The following TMEM163 variants were observed in gnomAD, a reference collection of about 807,000 sequenced individuals.
The protein encoded by TMEM163 is transmembrane protein 163.
A neutral mutation model predicts 29.3 loss-of-function variants in TMEM163; 17 were observed. That is an observed-to-expected ratio of 0.58 (90% CI 0.40 to 0.87). TMEM163 has a LOEUF of 0.87. Among genes scored for constraint, TMEM163 ranks in the 40% least tolerant of loss-of-function variants. The pLI, the probability that TMEM163 is intolerant of heterozygous loss-of-function variation, is 0.00. For missense variants in TMEM163, 303 were observed against 381.5 expected (o/e 0.79, Z 1.71); for synonymous variants, 157 against 160.6 (o/e 0.98, Z 0.17).
intron 5 of TMEM163, among the ~76,000 whole-genome samples, chr2:134,502,094 A>G (rs1679707825): frequency 6.6e-6 from 1 of 152,224 alleles, no homozygotes; most frequent in Non-Finnish European, 1.5e-5. Flanking sequence ...ACAAGGATTA[A>G]TATCTTTTTT....
At chr2:134,547,130 C>T (rs916472115) in intron 4 of TMEM163, among the ~76,000 whole-genome samples, 3 of 152,104 alleles carry the variant, frequency 2.0e-5, no homozygotes, top group Non-Finnish European at 2.9e-5. Flanking sequence ...ACATGAGATA[C>T]GCTTAACACT....
rs1252432767 is a variant in TMEM163, at chr2:134,561,657, A to G, written c.323-9566T>C. On this transcript the variant is annotated intron_variant, in intron 2 of 7. Transcript: ENST00000281924. ...TGAATGTCACTCACACTTTCCTAAC[A>G]CTTGCTCTTACACCTCCTTGTGCCA... Among the ~76,000 whole-genome samples the G allele has an allele frequency of 2.0e-5, 3 of 152,124 alleles. No homozygotes were observed. In the East Asian group the frequency reaches 5.8e-4, roughly 29 times the overall value.
At chr2:134,717,418 C>A (rs948293603) in intron 1 of TMEM163, among the ~76,000 whole-genome samples, 1 of 152,194 alleles carries the variant, frequency 6.6e-6, no homozygotes, top group Non-Finnish European at 1.5e-5. Flanking sequence ...GAATTCGTTG[C>A]CACTGGAGCA....
At chr2:134,462,507 G>T (rs367940350) in intron 6 of TMEM163, among the ~76,000 whole-genome samples, 3 of 152,054 alleles carry the variant, frequency 2.0e-5, no homozygotes, top group Non-Finnish European at 4.4e-5. Flanking sequence ...GACTCCCTCC[G>T]CCTGAAGGAC....
rs373064503 is a variant in TMEM163, at chr2:134,570,637, T to C, written c.323-18546A>G. Among the ~76,000 whole-genome samples, 5 of 152,168 alleles carry C rather than the reference T, an allele frequency of 3.3e-5. No individual in the cohort carries two copies. In the East Asian group the frequency reaches 5.8e-4, roughly 18 times the overall value. On this transcript the variant is annotated intron_variant, in intron 2 of 7. Coordinates refer to ENST00000281924, the MANE Select transcript of TMEM163 (RefSeq NM_030923.5). Reference sequence around the variant, plus strand: ...GGAGCAGTTGACAGTAATATGATCCTATCCTGCGTCAGAGGAAAGCAAGTG... The same window carrying C: ...GGAGCAGTTGACAGTAATATGATCCCATCCTGCGTCAGAGGAAAGCAAGTG...
chr2:134,558,825 C>T (rs1171570882), intron 2 of TMEM163, among the ~76,000 whole-genome samples: 1 of 152,204 alleles, frequency 6.6e-6, no homozygotes, highest in Non-Finnish European at 1.5e-5. Context: ...GCAATGCCCC[C>T]AGGCCCCGTA....
intron 2 of TMEM163, among the ~76,000 whole-genome samples, chr2:134,703,252 G>A (rs1015088090): frequency 1.3e-5 from 2 of 152,130 alleles, no homozygotes; most frequent in African/African-American, 4.8e-5. Context: ...GGATGCAGCT[G>A]TGCACCAGGT....
intron 2 of TMEM163, among the ~76,000 whole-genome samples, chr2:134,636,821 T>G (rs1683115266): frequency 6.6e-6 from 1 of 152,230 alleles, no homozygotes; most frequent in South Asian, 2.1e-4. Flanking sequence ...CTGCACTTGA[T>G]GGATCAGCTG....
Position 134,629,848 on chromosome 2 carries a change from C to G in TMEM163, c.323-77757G>C, listed in dbSNP as rs954542852. Among the ~76,000 whole-genome samples, 3 of 152,176 alleles carry G rather than the reference C, an allele frequency of 2.0e-5. No homozygotes were observed. The South Asian group carries it at 6.2e-4, about 31-fold the overall frequency. ...GGGGGCTGGCTCCTAGCTGACATCT[C>G]TGTGTGTAAAGAAAAGAGTTGACGG... On this transcript the variant is annotated intron_variant, in intron 2 of 7. Coordinates refer to ENST00000281924, the MANE Select transcript of TMEM163 (RefSeq NM_030923.5).
chr2:134,709,176 A>G lies in TMEM163; in HGVS notation c.322+4024T>C, dbSNP rs1684876049. On this transcript the variant is annotated intron_variant, in intron 2 of 7. Coordinates refer to ENST00000281924, the MANE Select transcript of TMEM163 (RefSeq NM_030923.5). ...CTTTCTAGCTTCATTATTAAAACAG[A>G]CTTTTTTTTCCACATTTGTTCATAA... Among the ~76,000 whole-genome samples the G allele has an allele frequency of 2.6e-5, 4 of 152,158 alleles. No individual in the cohort carries two copies. The South Asian group carries it at 8.3e-4, about 32-fold the overall frequency.
At chr2:134,680,151 G>A (rs1302474962) in intron 2 of TMEM163, among the ~76,000 whole-genome samples, 1 of 152,186 alleles carries the variant, frequency 6.6e-6, no homozygotes, top group Non-Finnish European at 1.5e-5. Context: ...GTAAATGGCT[G>A]CATGAGAAAA....
chr2:134,463,618 G>A (rs1686599332), intron 6 of TMEM163, among the ~76,000 whole-genome samples: 1 of 152,358 alleles, frequency 6.6e-6, no homozygotes, highest in Middle Eastern at 3.4e-3. Flanking sequence ...TCAGGAGGCT[G>A]AACTGCAAGT....
chr2:134,540,102 C>T (rs1231808353), intron 4 of TMEM163, among the ~76,000 whole-genome samples: 1 of 152,210 alleles, frequency 6.6e-6, no homozygotes, highest in African/African-American at 2.4e-5. Context: ...AAACAGGGGC[C>T]CCATCCATAG....
At chr2:134,472,004 T>C (rs1483424158) in intron 5 of TMEM163, among the ~76,000 whole-genome samples, 2 of 152,266 alleles carry the variant, frequency 1.3e-5, no homozygotes, top group South Asian at 2.1e-4. Flanking sequence ...ACTGTGTCTC[T>C]ATAATTTCTC....
At chr2:134,489,583 A>G (rs1281046329) in intron 5 of TMEM163, among the ~76,000 whole-genome samples, 3 of 152,074 alleles carry the variant, frequency 2.0e-5, no homozygotes, top group Admixed American at 1.3e-4. Flanking sequence ...CTCAAAAAAA[A>G]AAAAAAAGTT....
intron 4 of TMEM163, among the ~76,000 whole-genome samples, chr2:134,505,139 T>C (rs1367145497): frequency 2.0e-5 from 3 of 151,636 alleles, no homozygotes; most frequent in Non-Finnish European, 4.4e-5. Context: ...CCTGAGTGAC[T>C]CACAGAGACT....
chr2:134,631,451 C>A (rs1682968202), intron 2 of TMEM163, among the ~76,000 whole-genome samples: 1 of 152,174 alleles, frequency 6.6e-6, no homozygotes, highest in Non-Finnish European at 1.5e-5. Flanking sequence ...AGCACACTAA[C>A]CCCCAAGAAG....
chr2:134,477,088 C>T (rs1686934045), intron 5 of TMEM163, among the ~76,000 whole-genome samples: 1 of 152,176 alleles, frequency 6.6e-6, no homozygotes, highest in South Asian at 2.1e-4. Context: ...TTTGGCTCAC[C>T]CACCCCTCCT....
chr2:134,486,349 A>G (rs1434656376), intron 5 of TMEM163, among the ~76,000 whole-genome samples: 1 of 152,110 alleles, frequency 6.6e-6, no homozygotes, highest in African/African-American at 2.4e-5. Context: ...TAGATCTAGA[A>G]AGCAAATCAA....
Sources: gnomAD v4.1 joint callset for allele counts (sites outside exome capture counted in the v4.1 genomes callset) on GRCh38, gnomAD v4.1.1 for gene constraint, MANE v1.5 for transcripts, NCBI Gene and HGNC (gene_info 2026-07-23, HGNC 2026-07-21) for gene names.